RBM6: variants seen among roughly 807,000 people sequenced by gnomAD.
The protein encoded by RBM6 is RNA binding motif protein 6.
RBM6 carries 23 observed loss-of-function variants against 140.4 expected under a neutral mutation model. The ratio of observed to expected loss-of-function variants is 0.16; its 90% CI spans 0.12 to 0.23. The LOEUF is 0.23. Among genes scored for constraint, RBM6 ranks in the 10% least tolerant of loss-of-function variants. The pLI is 1.00. For missense variants in RBM6, 1,139 were observed against 1,386.7 expected (o/e 0.82, Z 2.84); for synonymous variants, 439 against 475.6 (o/e 0.92, Z 1.00).
intron 6 of RBM6, among the ~76,000 whole-genome samples, chr3:50,020,536 A>G (rs916117772): frequency 2.0e-5 from 3 of 152,272 alleles, no homozygotes; most frequent in Middle Eastern, 3.4e-3. Flanking sequence ...CTTTTTGTGT[A>G]TCGCACAAAT....
chr3:50,066,532 A>G (rs756239434), intron 17 of RBM6, 30 bp downstream of exon 17: 4 of 1,599,482 alleles, frequency 2.5e-6, no homozygotes, highest in Non-Finnish European at 3.4e-6. Flanking sequence ...TGCCCTTTCA[A>G]ACTGTTGACT....
intron 6 of RBM6, among the ~76,000 whole-genome samples, chr3:50,023,655 ATTTTTTTTT>A (rs35083306): frequency 7.0e-5 from 8 of 115,094 alleles, no homozygotes; most frequent in African/African-American, 2.3e-4. Context: ...ATGTTTGGTG[ATTTTTTTTT>A]TTTTTTTTTT....
At chr3:50,025,772 A>G (rs1328356966) in intron 6 of RBM6, among the ~76,000 whole-genome samples, 5 of 151,606 alleles carry the variant, frequency 3.3e-5, no homozygotes, top group Non-Finnish European at 7.4e-5. Flanking sequence ...TTCAACAGCT[A>G]TTGATTCCCC....
intron 1 of RBM6, among the ~76,000 whole-genome samples, chr3:49,942,350 G>A (rs1028714155): frequency 5.3e-5 from 8 of 151,628 alleles, no homozygotes; most frequent in Admixed American, 2.0e-4. Flanking sequence ...TGAGCCGTGC[G>A]TGGTGGTGGG....
intron 6 of RBM6, among the ~76,000 whole-genome samples, chr3:50,034,645 C>T (rs953679431): frequency 6.6e-6 from 1 of 152,034 alleles, no homozygotes; most frequent in East Asian, 1.9e-4. Context: ...CTTGTAATCC[C>T]AGCTACTAGG....
At chr3:50,061,868 T>C in intron 14 of RBM6, 94 bp from the exon 15 acceptor site, 1 of 1,477,660 alleles carries the variant, frequency 6.8e-7, no homozygotes. Context: ...AAAAAGTTGT[T>C]TCTTCCCCTA....
chr3:50,052,610 C>A (rs1357042884), intron 7 of RBM6, among the ~76,000 whole-genome samples: 2 of 152,152 alleles, frequency 1.3e-5, no homozygotes, highest in Admixed American at 1.3e-4. Context: ...CAAATAGCAC[C>A]AGTTACCACA....
In RBM6 at chr3:50,065,137, C is replaced by T; in HGVS notation, c.2682+11C>T. The T allele has an allele frequency of 1.3e-6, 2 of 1,592,596 alleles. No homozygotes were observed. Among genetic ancestry groups the T allele is most frequent in the Non-Finnish European group, 1.7e-6 (2 of 1,162,538 alleles). ...GAGAGTCCCCCTCCAGTAAGACCAACATTGATCCCCTGGACCTAGGGCTGG... is the reference window on the plus strand; with the variant it reads ...GAGAGTCCCCCTCCAGTAAGACCAATATTGATCCCCTGGACCTAGGGCTGG... On this transcript the variant is annotated intron_variant, in intron 16 of 20. Transcript: ENST00000266022.
intron 6 of RBM6, among the ~76,000 whole-genome samples, chr3:50,015,754 G>C (rs1223459017): frequency 6.6e-6 from 1 of 152,124 alleles, no homozygotes; most frequent in East Asian, 1.9e-4. Context: ...ATTTTTAATT[G>C]ATAATTGTAC....
rs763637407 is a variant in RBM6 at position 50,058,557 on chromosome 3, C to A, written c.2125C>A (p.His709Asn). 6.2e-7 allele frequency: 1 copy of A among 1,605,848 alleles called. No homozygotes were observed. Among genetic ancestry groups the A allele is most frequent in the Admixed American group, 1.7e-5 (1 of 60,004 alleles). ...CTATGGCTTTATTGACCTCGACTCC[C>A]ATGCGGTGAGTTTCCTCCACCTTGG... is the stretch of plus-strand genomic sequence containing the variant. Reference protein sequence around the residue: ...HTYGFIDLDSHAEALRVVKIL... With the variant: ...HTYGFIDLDSNAEALRVVKIL... Residue 709 changes from histidine to asparagine, a missense_variant, in exon 10 of 21, where the codon CAT becomes AAT. Transcript: ENST00000266022.
At chr3:49,987,906 G>A (rs771832064) in intron 5 of RBM6, among the ~76,000 whole-genome samples, 1 of 151,954 alleles carries the variant, frequency 6.6e-6, no homozygotes, top group African/African-American at 2.4e-5. Context: ...CCCAAGCGTG[G>A]GGATTACAGG....
chr3:50,032,465 A>G (rs1238413362), intron 6 of RBM6, among the ~76,000 whole-genome samples: 1 of 139,644 alleles, frequency 7.2e-6, no homozygotes, highest in African/African-American at 2.8e-5. Flanking sequence ...GCCTGGCAAC[A>G]GGGCGAGACT....
chr3:50,061,339 A>C (rs2089934216), intron 13 of RBM6, 118 bp downstream of exon 13: 35 of 1,587,626 alleles, frequency 2.2e-5, no homozygotes, highest in Non-Finnish European at 3.0e-5. Context: ...GCTCATCCAG[A>C]GAGAGGCATC....
At chr3:49,958,782 CTTTTTTTT>C (rs35853185) in intron 1 of RBM6, among the ~76,000 whole-genome samples, 4 of 114,350 alleles carry the variant, frequency 3.5e-5, no homozygotes, top group Non-Finnish European at 6.9e-5. Context: ...TGAAGAATTC[CTTTTTTTT>C]TTTTTTTTTT....
intron 6 of RBM6, among the ~76,000 whole-genome samples, chr3:50,037,372 C>T (rs373764948): frequency 2.3e-4 from 35 of 152,274 alleles, no homozygotes; most frequent in Admixed American, 4.6e-4. Flanking sequence ...CACCAGTGCA[C>T]TCTAGCCTGA....
At chr3:50,010,574 C>G (rs570651564) in intron 6 of RBM6, among the ~76,000 whole-genome samples, 8 of 152,066 alleles carry the variant, frequency 5.3e-5, no homozygotes, top group Admixed American at 3.3e-4. Flanking sequence ...TGAATTTTAT[C>G]TCAATTTTAA....
chr3:50,006,481 T>C (rs1248710882), intron 6 of RBM6, among the ~76,000 whole-genome samples: 1 of 152,076 alleles, frequency 6.6e-6, no homozygotes, highest in African/African-American at 2.4e-5. Context: ...AATGTAGCAG[T>C]ATAACATAGT....
At chr3:49,969,132 T>C (rs1480675339) in intron 3 of RBM6, among the ~76,000 whole-genome samples, 2 of 151,338 alleles carry the variant, frequency 1.3e-5, no homozygotes, top group African/African-American at 4.9e-5. Flanking sequence ...TCAAGCAATT[T>C]TCCTGCCTCA....
At chr3:50,006,669 A>T (rs2086594156) in intron 6 of RBM6, among the ~76,000 whole-genome samples, 1 of 151,076 alleles carries the variant, frequency 6.6e-6, no homozygotes, top group Non-Finnish European at 1.5e-5. Context: ...GCGGTGGCTC[A>T]TGCCTGTAAT....
Sources: gnomAD v4.1 joint callset for allele counts (sites outside exome capture counted in the v4.1 genomes callset) on GRCh38, gnomAD v4.1.1 for gene constraint, MANE v1.5 for transcripts, NCBI Gene and HGNC (gene_info 2026-07-23, HGNC 2026-07-21) for gene names.